Variants in FHIT observed in about 807,000 individuals in gnomAD.
The protein encoded by FHIT is fragile histidine triad diadenosine triphosphatase, also known as bis(5'-adenosyl)-triphosphatase.
In FHIT, 19 loss-of-function variants were observed where a neutral mutation model predicts 17.9. That is an observed-to-expected ratio of 1.06 (90% CI 0.74 to 1.56). FHIT has a LOEUF of 1.56. Among genes scored for constraint, FHIT ranks in the 40% most tolerant of loss-of-function variants. The pLI is 0.00. For synonymous variants in FHIT, 81 were observed against 69.7 expected (o/e 1.16, Z -0.81); for missense variants, 248 against 189.2 (o/e 1.31, Z -1.82).
chr3:60,423,010 T>C (rs575465731), intron 5 of FHIT, among the ~76,000 whole-genome samples: 1 of 152,288 alleles, frequency 6.6e-6, no homozygotes, highest in South Asian at 2.1e-4. Flanking sequence ...ATCTTAACTT[T>C]AATACTAAAA....
At chr3:60,422,672 G>T (rs111390911) in intron 5 of FHIT, among the ~76,000 whole-genome samples, 8 of 152,148 alleles carry the variant, frequency 5.3e-5, no homozygotes, top group African/African-American at 1.7e-4. Context: ...CTTTCATTTC[G>T]TAATGGAGAA....
At chr3:59,896,669 G>C (rs971063066) in intron 8 of FHIT, among the ~76,000 whole-genome samples, 10 of 152,104 alleles carry the variant, frequency 6.6e-5, no homozygotes, top group African/African-American at 2.4e-4. Context: ...CATAACCATA[G>C]CAATGATTTT....
At chr3:60,878,392 T>G (rs1704772293) in intron 3 of FHIT, among the ~76,000 whole-genome samples, 1 of 152,116 alleles carries the variant, frequency 6.6e-6, no homozygotes, top group African/African-American at 2.4e-5. Flanking sequence ...ATCCTCTTGT[T>G]TAATTATCCC....
At chr3:60,243,948 C>T (rs929983350) in intron 5 of FHIT, among the ~76,000 whole-genome samples, 4 of 152,012 alleles carry the variant, frequency 2.6e-5, no homozygotes, top group South Asian at 2.1e-4. Context: ...GGAATCCTGA[C>T]GTTACCATCA....
intron 5 of FHIT, among the ~76,000 whole-genome samples, chr3:60,273,427 T>C (rs368766592): frequency 2.3e-4 from 35 of 151,726 alleles, no homozygotes; most frequent in East Asian, 2.0e-3. Flanking sequence ...GCCAACATAG[T>C]GAAATCCTGT....
chr3:61,127,154 T>G (rs1174444266), intron 2 of FHIT, among the ~76,000 whole-genome samples: 2 of 152,256 alleles, frequency 1.3e-5, no homozygotes, highest in South Asian at 4.1e-4. Flanking sequence ...ACTTCGGTAC[T>G]GAGAATCAAC....
At chr3:60,491,201 G>A (rs916397115) in intron 5 of FHIT, among the ~76,000 whole-genome samples, 2 of 152,058 alleles carry the variant, frequency 1.3e-5, no homozygotes, top group African/African-American at 4.8e-5. Context: ...TAGCAAACAA[G>A]TCTATTTACA....
At chr3:59,934,637 T>C (rs1290680137) in intron 7 of FHIT, among the ~76,000 whole-genome samples, 2 of 152,170 alleles carry the variant, frequency 1.3e-5, no homozygotes. Context: ...AGAGGTTTAA[T>C]TGACTCACAG....
chr3:59,864,388 G>A (rs1437129496), intron 8 of FHIT, among the ~76,000 whole-genome samples: 3 of 152,122 alleles, frequency 2.0e-5, no homozygotes, highest in Non-Finnish European at 2.9e-5. Context: ...TGTAAGAAGT[G>A]CCTTTTGCCT....
In FHIT at chr3:60,113,200, A is replaced by G. The variant is rs141624727; in HGVS notation, c.104-99048T>C. Among the ~76,000 whole-genome samples the G allele has an allele frequency of 1.7e-3, 259 of 152,244 alleles. 1 individual carries two copies. Among genetic ancestry groups the G allele is most frequent in the African/African-American group, 5.8e-3 (243 of 41,542 alleles). ...CTGCTCCTTATCTCCTTTCCCTACT[A>G]AGACGCAAGCTCTGTGAAGGTAAGG... On this transcript the variant is annotated intron_variant, in intron 5 of 9. Coordinates refer to ENST00000492590, the MANE Select transcript of FHIT (RefSeq NM_002012.4).
intron 3 of FHIT, among the ~76,000 whole-genome samples, chr3:60,897,448 T>G (rs1553762201): frequency 6.6e-6 from 1 of 152,188 alleles, no homozygotes; most frequent in East Asian, 1.9e-4. Flanking sequence ...GTTTATGGTT[T>G]TTTGCCATGC....
chr3:59,974,885 C>T (rs1175637278), intron 7 of FHIT, among the ~76,000 whole-genome samples: 1 of 152,092 alleles, frequency 6.6e-6, no homozygotes, highest in East Asian at 1.9e-4. Context: ...AATATACCAA[C>T]CCAACAAAAG....
intron 8 of FHIT, among the ~76,000 whole-genome samples, chr3:59,801,384 A>AACTT (rs1297743876): frequency 2.0e-5 from 3 of 151,172 alleles, no homozygotes; most frequent in African/African-American, 2.5e-5. Flanking sequence ...AATCAAGAAT[A>AACTT]ACTTAAAAAT....
chr3:60,543,472 T>C (rs2036252235), intron 4 of FHIT, among the ~76,000 whole-genome samples: 1 of 152,242 alleles, frequency 6.6e-6, no homozygotes, highest in African/African-American at 2.4e-5. Context: ...CATTTATGAA[T>C]GCTGCATTTA....
At chr3:60,918,002 C>T (rs1186505024) in intron 3 of FHIT, among the ~76,000 whole-genome samples, 3 of 152,208 alleles carry the variant, frequency 2.0e-5, no homozygotes, top group African/African-American at 7.2e-5. Context: ...ATAATTCCCA[C>T]ATGTCAAAGG....
chr3:60,124,007 TATAGAGAGAG>T (rs1254561050), intron 5 of FHIT, among the ~76,000 whole-genome samples: 7 of 17,772 alleles, frequency 3.9e-4, no homozygotes, highest in Admixed American at 2.3e-3. Context: ...TATATATATA[TATAGAGAGAG>T]AGAGAGAGAG....
chr3:59,884,558 A>T (rs1382285498), intron 8 of FHIT, among the ~76,000 whole-genome samples: 1 of 152,210 alleles, frequency 6.6e-6, no homozygotes, highest in Non-Finnish European at 1.5e-5. Flanking sequence ...AAGTTCCGTA[A>T]AACCATTTCC....
At chr3:60,096,581 G>A (rs552681195) in intron 5 of FHIT, among the ~76,000 whole-genome samples, 8 of 152,198 alleles carry the variant, frequency 5.3e-5, no homozygotes, top group African/African-American at 1.9e-4. Flanking sequence ...TATCTGACTA[G>A]GTATTTGGCT....
At chr3:60,864,363 G>A (rs1442126089) in intron 3 of FHIT, among the ~76,000 whole-genome samples, 2 of 152,144 alleles carry the variant, frequency 1.3e-5, no homozygotes, top group Admixed American at 6.6e-5. Context: ...TCGGTAAGTG[G>A]TGGAGCTGGA....
Sources: gnomAD v4.1 joint callset for allele counts (sites outside exome capture counted in the v4.1 genomes callset) on GRCh38, gnomAD v4.1.1 for gene constraint, MANE v1.5 for transcripts, NCBI Gene and HGNC (gene_info 2026-07-23, HGNC 2026-07-21) for gene names.